The following GRB2 variants were observed in gnomAD, a reference collection of about 807,000 sequenced individuals.
GRB2 encodes growth factor receptor-bound protein 2.
A neutral mutation model predicts 27.4 loss-of-function variants in GRB2; 2 were observed. That is an observed-to-expected ratio of 0.07 (90% CI 0.03 to 0.23). GRB2 has a LOEUF of 0.23. Ranked by LOEUF, GRB2 falls within the 10% of genes least tolerant of loss-of-function variation. The probability of loss-of-function intolerance (pLI) is 1.00; values close to 1 mark genes in which losing one functional copy is unlikely to be tolerated. For synonymous variants in GRB2, 94 were observed against 99.6 expected, an observed-to-expected ratio of 0.94 and a Z score of 0.33; for missense variants, 102 against 282.4, an observed-to-expected ratio of 0.36 and a Z score of 4.58.
intron 1 of GRB2, among the ~76,000 whole-genome samples, chr17:75,396,176 G>A (rs911701807): frequency 2.6e-5 from 4 of 152,158 alleles, no homozygotes; most frequent in Non-Finnish European, 5.9e-5. Flanking sequence ...ATTTTTCCCA[G>A]CATTAGCAAC....
intron 2 of GRB2, among the ~76,000 whole-genome samples, chr17:75,361,709 A>G (rs1375821538): frequency 6.6e-6 from 1 of 152,124 alleles, no homozygotes. Flanking sequence ...CTAGGGGGAA[A>G]AAGCTTCCCA....
chr17:75,374,403 C>CAAAAAA (rs56404809), intron 2 of GRB2, among the ~76,000 whole-genome samples: 17 of 88,610 alleles, frequency 1.9e-4, no homozygotes, highest in Non-Finnish European at 2.3e-4. Flanking sequence ...GACTCCATAT[C>CAAAAAA]AAAAAAAAAA....
chr17:75,366,849 T>C (rs1183005524), intron 2 of GRB2, among the ~76,000 whole-genome samples: 2 of 151,876 alleles, frequency 1.3e-5, no homozygotes, highest in African/African-American at 2.4e-5. Flanking sequence ...TTTTTTTCCC[T>C]GAAATAAGCC....
intron 2 of GRB2, among the ~76,000 whole-genome samples, chr17:75,385,355 G>A (rs1332353467): frequency 7.2e-5 from 11 of 152,032 alleles, no homozygotes; most frequent in Admixed American, 6.6e-4. Context: ...CGGCCAACAT[G>A]GTGAAACACT....
chr17:75,359,914 T>G (rs2145847095), intron 2 of GRB2, among the ~76,000 whole-genome samples: 1 of 152,136 alleles, frequency 6.6e-6, no homozygotes, highest in African/African-American at 2.4e-5. Flanking sequence ...AATAAGTGTT[T>G]GACTTGTCTT....
chr17:75,358,620 T>C (rs1215828587), intron 2 of GRB2, among the ~76,000 whole-genome samples: 1 of 146,372 alleles, frequency 6.8e-6, no homozygotes, highest in Non-Finnish European at 1.5e-5. Context: ...ATCCCAGCAC[T>C]TTGGGAGGCT....
At chr17:75,393,028 G>A (rs936513024) in intron 2 of GRB2, among the ~76,000 whole-genome samples, 1 of 152,108 alleles carries the variant, frequency 6.6e-6, no homozygotes, top group Non-Finnish European at 1.5e-5. Flanking sequence ...TTTTCACAAA[G>A]AATAAAAATA....
chr17:75,380,634 T>C (rs181040444), intron 2 of GRB2, among the ~76,000 whole-genome samples: 1 of 152,346 alleles, frequency 6.6e-6, no homozygotes, highest in Admixed American at 6.5e-5. Context: ...ATGGATGGTC[T>C]TCCTCTAGAA....
chr17:75,403,782 A>T (rs910795751), intron 1 of GRB2, among the ~76,000 whole-genome samples: 6 of 151,718 alleles, frequency 4.0e-5, no homozygotes, highest in African/African-American at 1.5e-4. Flanking sequence ...AAAATAAATA[A>T]ATAAATGCTT....
intron 2 of GRB2, among the ~76,000 whole-genome samples, chr17:75,386,210 C>A (rs1317020892): frequency 6.6e-6 from 1 of 152,036 alleles, no homozygotes; most frequent in Admixed American, 6.6e-5. Flanking sequence ...CCTCTGCCTC[C>A]CGAGTTCAAG....
intron 2 of GRB2, chr17:75,372,671 TCA>T (rs2078863599): frequency 6.6e-6 from 1 of 152,214 alleles, no homozygotes; most frequent in Non-Finnish European, 1.5e-5. Context: ...CATTGGCCAC[TCA>T]CAGCCACTGA....
At chr17:75,353,370 C>T (rs1370427073) in intron 2 of GRB2, among the ~76,000 whole-genome samples, 1 of 151,944 alleles carries the variant, frequency 6.6e-6, no homozygotes, top group Non-Finnish European at 1.5e-5. Flanking sequence ...CGTGTATAAG[C>T]GGAACCATGC....
rs10669345 is a variant in GRB2 at position 75,378,383 on chromosome 17, A to AAAACAAAC, written c.78+15160_78+15167dup. Among the ~76,000 whole-genome samples, 139 of 151,568 alleles carry AAAACAAAC rather than the reference A, an allele frequency of 9.2e-4. No homozygotes were observed. In the South Asian group the frequency reaches 1.0e-2, roughly 11 times the overall value. On this transcript the variant is annotated intron_variant, in intron 2 of 5. Coordinates refer to ENST00000316804, the MANE Select transcript of GRB2 (RefSeq NM_002086.5). ...GGGCAACAGAGTGAGACTGTCTCAAAAAACAAACAAACAAACAAACACCCA... is the reference window on the plus strand; with the variant it reads ...GGGCAACAGAGTGAGACTGTCTCAAAAAACAAACAAACAAACAAACAAACAAACACCCA...
chr17:75,332,906 A>T, intron 2 of GRB2, 109 bp from the exon 3 acceptor site: 1 of 664,806 alleles, frequency 1.5e-6, no homozygotes, highest in Non-Finnish European at 2.6e-6. Context: ...GTTTCACTCG[A>T]AGTATTATCA....
chr17:75,366,655 C>G (rs1466436275), intron 2 of GRB2, among the ~76,000 whole-genome samples: 1 of 151,862 alleles, frequency 6.6e-6, no homozygotes, highest in Middle Eastern at 3.2e-3. Flanking sequence ...AAAAAACAAA[C>G]AAAAATTAGC....
intron 2 of GRB2, among the ~76,000 whole-genome samples, chr17:75,346,549 C>CA (rs1179866952): frequency 6.7e-6 from 1 of 148,460 alleles, no homozygotes; most frequent in Non-Finnish European, 1.5e-5. Context: ...TCTGTCTCTC[C>CA]AGATCCAGTT....
At chr17:75,328,805 G>A (rs558749165) in intron 3 of GRB2, among the ~76,000 whole-genome samples, 3 of 152,010 alleles carry the variant, frequency 2.0e-5, no homozygotes, top group East Asian at 3.9e-4. Flanking sequence ...AGGCGTGGTG[G>A]CAGGTGCCTG....
intron 2 of GRB2, among the ~76,000 whole-genome samples, chr17:75,383,432 T>C (rs1006413176): frequency 6.6e-6 from 1 of 152,212 alleles, no homozygotes; most frequent in African/African-American, 2.4e-5. Context: ...TGTGACTCAA[T>C]AGTTTCCTGA....
Position 75,318,160 on chromosome 17 carries a change from G to C in GRB2, c.*2208C>G, listed in dbSNP as rs980656737. 9 of 152,622 alleles carry C rather than the reference G, an allele frequency of 5.9e-5. No individual in the cohort carries two copies. Among genetic ancestry groups the C allele is most frequent in the Non-Finnish European group, 1.0e-4 (7 of 68,016 alleles). 9.5% of individuals were successfully genotyped at this position (152,622 alleles called of 1,614,324 possible). On this transcript the variant is annotated 3_prime_UTR_variant, in exon 6 of 6. Transcript: ENST00000316804. ...GCAGAGTTAAAGGATTAAGTACATA[G>C]GTCTTTATTTAAACACTGATTTTTT...
Sources: gnomAD v4.1 joint callset for allele counts (sites outside exome capture counted in the v4.1 genomes callset) on GRCh38, gnomAD v4.1.1 for gene constraint, MANE v1.5 for transcripts, NCBI Gene and HGNC (gene_info 2026-07-23, HGNC 2026-07-21) for gene names.